The following CERS3 variants were observed in gnomAD, a reference collection of about 807,000 sequenced individuals.
The protein encoded by CERS3 is LAG1 homolog, ceramide synthase 3.
CERS3 carries 33 observed loss-of-function variants against 50.3 expected under a neutral mutation model. The ratio of observed to expected loss-of-function variants is 0.66; its 90% CI spans 0.50 to 0.88. The LOEUF is 0.88. Among genes scored for constraint, CERS3 ranks in the 40% least tolerant of loss-of-function variants. The pLI is 0.00. For synonymous variants in CERS3, 176 were observed against 155.2 expected, an observed-to-expected ratio of 1.13 and a Z score of -0.99; for missense variants, 470 against 460.3, an observed-to-expected ratio of 1.02 and a Z score of -0.19.
At chr15:100,482,932 T>A (rs2035358165) in intron 5 of CERS3, among the ~76,000 whole-genome samples, 1 of 152,224 alleles carries the variant, frequency 6.6e-6, no homozygotes, top group African/African-American at 2.4e-5. Context: ...AGTCTGTTTA[T>A]CTAGTCCATA....
intron 2 of CERS3, among the ~76,000 whole-genome samples, chr15:100,505,353 G>A: frequency 6.6e-6 from 1 of 152,274 alleles, no homozygotes; most frequent in Non-Finnish European, 1.5e-5. Context: ...ACAATTCCTT[G>A]TGCATTACAT....
chr15:100,437,464 A>G (rs1211994385), intron 11 of CERS3, among the ~76,000 whole-genome samples: 1 of 152,184 alleles, frequency 6.6e-6, no homozygotes, highest in Non-Finnish European at 1.5e-5. Context: ...GAGTCATGAA[A>G]GTCAACTGGC....
At chr15:100,539,876 G>T (rs2037158144) in intron 1 of CERS3, among the ~76,000 whole-genome samples, 1 of 152,122 alleles carries the variant, frequency 6.6e-6, no homozygotes, top group Non-Finnish European at 1.5e-5. Context: ...ACTGAAAGTG[G>T]TGCTGAGATT....
intron 11 of CERS3, among the ~76,000 whole-genome samples, chr15:100,421,687 G>T (rs1334112828): frequency 1.5e-3 from 227 of 149,712 alleles, no homozygotes; most frequent in Non-Finnish European, 2.6e-3. Context: ...CAAACTATAC[G>T]ACAAGGCTAC....
chr15:100,509,318 GTC>G (rs2036272462), intron 2 of CERS3, among the ~76,000 whole-genome samples: 1 of 152,210 alleles, frequency 6.6e-6, no homozygotes, highest in Admixed American at 6.5e-5. Context: ...AAATATGACA[GTC>G]TAACTTTTGC....
Position 100,494,235 on chromosome 15 carries a change from ATATATATATATATATATATATATT to A in CERS3, c.174-3328_174-3305del, listed in dbSNP as rs1281655621. ...CATATATATATATATATATATATAT[ATATATATATATATATATATATATT>A]TGTTTTGAGATGGAGTCTTGCACTG... On this transcript the variant is annotated intron_variant, in intron 3 of 11. Coordinates refer to ENST00000679737, the MANE Select transcript of CERS3 (RefSeq NM_001378789.1). Among the ~76,000 whole-genome samples the A allele has an allele frequency of 1.2e-3, 60 of 51,202 alleles. 1 individual carries two copies. The highest frequency in any genetic ancestry group is 3.8e-3 in the East Asian group (6 of 1,594). 33.6% of individuals were successfully genotyped at this position (51,202 alleles called of 152,430 possible).
chr15:100,433,104 C>T (rs895923623), intron 11 of CERS3, among the ~76,000 whole-genome samples: 25 of 151,938 alleles, frequency 1.6e-4, no homozygotes, highest in African/African-American at 5.5e-4. Context: ...GGTGTGGTGG[C>T]GGGTACCTGT....
At chr15:100,480,075 C>T in intron 5 of CERS3, 29 bp from the exon 6 acceptor site, 2 of 1,539,892 alleles carry the variant, frequency 1.3e-6, no homozygotes, top group Non-Finnish European at 1.8e-6. Context: ...ATCTTTACTC[C>T]CTTGTAAAGG....
At chr15:100,463,543 G>C (rs1482344067) in intron 10 of CERS3, among the ~76,000 whole-genome samples, 1 of 152,102 alleles carries the variant, frequency 6.6e-6, no homozygotes, top group African/African-American at 2.4e-5. Flanking sequence ...GTTTGAAGAG[G>C]GGTGATTGTT....
At chr15:100,433,161 A>G (rs759760518) in intron 11 of CERS3, among the ~76,000 whole-genome samples, 21 of 151,598 alleles carry the variant, frequency 1.4e-4, no homozygotes, top group Non-Finnish European at 2.7e-4. Context: ...GCTTGAACCC[A>G]GGAGGCTGAG....
At chr15:100,473,084 G>T (rs757859652) in intron 8 of CERS3, 32 bp from the exon 9 acceptor site, 1 of 1,590,718 alleles carries the variant, frequency 6.3e-7, no homozygotes, top group Admixed American at 1.8e-5. Context: ...AAGCCATTAA[G>T]GAAATGCATT....
intron 2 of CERS3, among the ~76,000 whole-genome samples, chr15:100,508,697 T>G (rs565694844): frequency 3.5e-4 from 54 of 152,324 alleles, no homozygotes; most frequent in Middle Eastern, 3.4e-3. Flanking sequence ...GACCCAATTC[T>G]AGCAATTTCT....
chr15:100,505,059 T>A (rs1336216909), intron 2 of CERS3, among the ~76,000 whole-genome samples: 1 of 152,146 alleles, frequency 6.6e-6, no homozygotes, highest in African/African-American at 2.4e-5. Flanking sequence ...CTCAACTGCA[T>A]CACAACTAGA....
In CERS3 at chr15:100,473,071, T is replaced by C; in HGVS notation, c.610-19A>G. 2 of 1,607,002 alleles carry C rather than the reference T, an allele frequency of 1.2e-6. No homozygotes were observed. Among genetic ancestry groups the C allele is most frequent in the East Asian group, 2.2e-5 (1 of 44,810 alleles). ...GAAAATCCTGTAAGATGAGGGAAAA[T>C]GGAAGCCATTAAGGAAATGCATTTA... On this transcript the variant is annotated intron_variant, in intron 8 of 11. Transcript: ENST00000679737.
intron 11 of CERS3, among the ~76,000 whole-genome samples, chr15:100,452,804 C>CA (rs1351446651): frequency 6.6e-6 from 1 of 151,734 alleles, no homozygotes; most frequent in Admixed American, 6.6e-5. Context: ...AAATCAGAAA[C>CA]AAAAAAGACA....
intron 11 of CERS3, among the ~76,000 whole-genome samples, chr15:100,449,668 A>C (rs2034080088): frequency 6.6e-6 from 1 of 152,186 alleles, no homozygotes; most frequent in East Asian, 1.9e-4. Flanking sequence ...TAATGACTAC[A>C]ATATTGCATG....
chr15:100,470,729 C>G (rs12440385), intron 9 of CERS3, among the ~76,000 whole-genome samples: 18,017 of 152,094 alleles, frequency 0.12, 1,271 homozygotes, highest in Admixed American at 0.22. Flanking sequence ...AAGTATCAGT[C>G]AGGATATTGG....
At chr15:100,530,089 G>T (rs2036901946), upstream of CERS3, among the ~76,000 whole-genome samples, 1 of 152,148 alleles carries the variant, frequency 6.6e-6, no homozygotes, top group Non-Finnish European at 1.5e-5. Flanking sequence ...TCAGTAATGG[G>T]CTCATGCATT....
intron 11 of CERS3, among the ~76,000 whole-genome samples, chr15:100,445,436 C>G (rs1473081091): frequency 6.6e-6 from 1 of 152,220 alleles, no homozygotes; most frequent in Non-Finnish European, 1.5e-5. Flanking sequence ...TGCTGCACCT[C>G]CTTTGGCACT....
Sources: gnomAD v4.1 joint callset for allele counts (sites outside exome capture counted in the v4.1 genomes callset) on GRCh38, gnomAD v4.1.1 for gene constraint, MANE v1.5 for transcripts, NCBI Gene and HGNC (gene_info 2026-07-23, HGNC 2026-07-21) for gene names.